The following PLCG2 variants were observed in gnomAD, a reference collection of about 807,000 sequenced individuals.
PLCG2 encodes the protein phospholipase C gamma 2.
In PLCG2, 69 loss-of-function variants were observed where a neutral mutation model predicts 175.6. That is an observed-to-expected ratio of 0.39 (90% confidence interval 0.32 to 0.48). PLCG2 has a LOEUF of 0.48. PLCG2 is among the 20% of genes least tolerant of loss of function. PLCG2 has a pLI of 0.91. For synonymous variants in PLCG2, 827 were observed against 624.0 expected (o/e 1.33, Z -4.85); for missense variants, 1,798 against 1,650.9 (o/e 1.09, Z -1.54).
chr16:81,794,437 G>A (rs1017472708), intron 2 of PLCG2, among the ~76,000 whole-genome samples: 15 of 152,202 alleles, frequency 9.9e-5, no homozygotes, highest in African/African-American at 1.9e-4. Context: ...GCAATGAAGC[G>A]TCTCATCAGA....
At chr16:81,785,396 T>C (rs912573637) in intron 1 of PLCG2, among the ~76,000 whole-genome samples, 10 of 152,312 alleles carry the variant, frequency 6.6e-5, no homozygotes, top group African/African-American at 2.4e-4. Flanking sequence ...TGCCAAGACC[T>C]GACATTTCCT....
chr16:81,749,243 C>T (rs1171257164), intron 1 of PLCG2, among the ~76,000 whole-genome samples: 1 of 152,214 alleles, frequency 6.6e-6, no homozygotes, highest in Non-Finnish European at 1.5e-5. Flanking sequence ...TGCTTTTTAA[C>T]ATCTCTATAA....
chr16:81,912,212 C>T (rs1041524819), intron 18 of PLCG2, among the ~76,000 whole-genome samples: 2 of 151,886 alleles, frequency 1.3e-5, no homozygotes. Context: ...GGATTACAGG[C>T]GTGAGCCACT....
intron 2 of PLCG2, among the ~76,000 whole-genome samples, chr16:81,840,607 C>T (rs1233938263): frequency 6.6e-6 from 1 of 152,200 alleles, no homozygotes. Context: ...CTGGGTCCCT[C>T]ACATGTGCAG....
At chr16:81,888,198 C>G (rs1908460636) in intron 9 of PLCG2, among the ~76,000 whole-genome samples, 1 of 152,146 alleles carries the variant, frequency 6.6e-6, no homozygotes, top group Non-Finnish European at 1.5e-5. Flanking sequence ...TTTGCACAAG[C>G]TGCCACGGTC....
intron 2 of PLCG2, among the ~76,000 whole-genome samples, chr16:81,758,677 CTTT>C (rs35302433): frequency 2.1e-5 from 3 of 144,006 alleles, no homozygotes; most frequent in Non-Finnish European, 4.6e-5. Flanking sequence ...GTCCATCTCT[CTTT>C]TTTTTTTTTT....
At chr16:81,957,572 G>A (rs771798907) in intron 32 of PLCG2, among the ~76,000 whole-genome samples, 8 of 152,128 alleles carry the variant, frequency 5.3e-5, no homozygotes, top group Non-Finnish European at 8.8e-5. Context: ...TTGTGCTACA[G>A]GCATGTAATG....
At chr16:81,930,455 T>C (rs570040878) in intron 24 of PLCG2, among the ~76,000 whole-genome samples, 1 of 152,160 alleles carries the variant, frequency 6.6e-6, no homozygotes, top group Non-Finnish European at 1.5e-5. Flanking sequence ...CATCTGTTTT[T>C]AAAGCCATTT....
intron 2 of PLCG2, among the ~76,000 whole-genome samples, chr16:81,815,560 C>G (rs1044381714): frequency 8.5e-5 from 13 of 152,330 alleles, no homozygotes; most frequent in African/African-American, 1.2e-4. Flanking sequence ...ACTACTCAGC[C>G]TGTTGTTCTG....
chr16:81,833,040 C>T (rs8059316), intron 2 of PLCG2, among the ~76,000 whole-genome samples: 18,427 of 152,184 alleles, frequency 0.12, 1,187 homozygotes, highest in Middle Eastern at 0.18. Context: ...AGTCCAGAAG[C>T]GGAAGGCAAC....
At chr16:81,940,179 C>G (rs564674530) in intron 30 of PLCG2, 120 bp downstream of exon 30, 9 of 860,684 alleles carry the variant, frequency 1.0e-5, no homozygotes, top group Non-Finnish European at 1.6e-5. Context: ...ACTGTAAAAC[C>G]GATTGGGTGG....
At chr16:81,862,607 C>T (rs1307683892) in intron 5 of PLCG2, among the ~76,000 whole-genome samples, 2 of 152,144 alleles carry the variant, frequency 1.3e-5, no homozygotes, top group African/African-American at 4.8e-5. Context: ...TGGTGGCTGA[C>T]ACCTGTAATC....
chr16:81,827,807 G>T (rs7499005), intron 2 of PLCG2, among the ~76,000 whole-genome samples: 58,323 of 151,740 alleles, frequency 0.38, 11,893 homozygotes, highest in African/African-American at 0.53. Flanking sequence ...AAGCGTTGAC[G>T]CCGCCAGGCA....
At chr16:81,936,946 C>T (rs756913003) in intron 27 of PLCG2, among the ~76,000 whole-genome samples, 4 of 152,148 alleles carry the variant, frequency 2.6e-5, no homozygotes, top group East Asian at 1.9e-4. Flanking sequence ...CGTGGAGGCA[C>T]ATGTAGGTAT....
intron 18 of PLCG2, 24 bp from the exon 19 acceptor site, chr16:81,912,573 G>GT: frequency 6.2e-7 from 1 of 1,611,286 alleles, no homozygotes; most frequent in Non-Finnish European, 8.5e-7. Context: ...TCACCTGGTC[G>GT]TTTTCCCTGG....
At chr16:81,921,322 G>C (rs1189322847) in intron 21 of PLCG2, 53 bp downstream of exon 21, 1 of 1,144,590 alleles carries the variant, frequency 8.7e-7, no homozygotes, top group African/African-American at 1.5e-5. Context: ...AGGCTGATGT[G>C]GATTCCATCT....
rs559101884 is a variant in PLCG2 at position 81,928,143 on chromosome 16, G to A, written c.2515-415G>A. 9.2e-5 allele frequency among the ~76,000 whole-genome samples: 14 copies of A among 152,234 alleles called. 1 individual carries two copies. The South Asian group carries it at 2.7e-3, about 29-fold the overall frequency. ...GGGCTCTGAAAGTCTTAAAAGCCAG[G>A]TCATAGAGCATGGGTGTTGCTTCCA... On this transcript the variant is annotated intron_variant, in intron 23 of 32. Coordinates refer to ENST00000564138, the MANE Select transcript of PLCG2 (RefSeq NM_002661.5).
rs1241355866 is a variant in PLCG2 at position 81,961,597 on chromosome 16, T to G, written c.*3599T>G. 9.3e-6 allele frequency: 2 copies of G among 215,810 alleles called. No homozygotes were observed. Among genetic ancestry groups the G allele is most frequent in the Non-Finnish European group, 1.9e-5 (2 of 107,306 alleles). The allele number at this position is 215,810 out of a possible 1,614,324, so 13.4% of individuals were successfully genotyped here. ...GGAGAAGTGGTATGAAAATACAAAT[T>G]CAAGGAGTAAAAGGAAAAGTGGGGC... On this transcript the variant is annotated 3_prime_UTR_variant, in exon 33 of 33. Coordinates refer to ENST00000564138, the MANE Select transcript of PLCG2 (RefSeq NM_002661.5).
At chr16:81,805,777 T>G (rs542554003) in intron 2 of PLCG2, among the ~76,000 whole-genome samples, 2,366 of 115,502 alleles carry the variant, frequency 0.02, 35 homozygotes, top group African/African-American at 0.036. Context: ...GTTTTTTTTT[T>G]TTTTTGTTTT....
Sources: gnomAD v4.1 joint callset for allele counts (sites outside exome capture counted in the v4.1 genomes callset) on GRCh38, gnomAD v4.1.1 for gene constraint, MANE v1.5 for transcripts, NCBI Gene and HGNC (gene_info 2026-07-23, HGNC 2026-07-21) for gene names.